PFDN5: variants seen among roughly 807,000 people sequenced by gnomAD.
PFDN5 encodes the protein prefoldin subunit 5, also known as c-myc binding protein.
Under a neutral mutation model 21.5 loss-of-function variants are expected in PFDN5, and 13 were observed. The observed-to-expected ratio is 0.60, with a 90% CI of 0.39 to 0.96. PFDN5 has a LOEUF of 0.96. PFDN5 is among the 40% of genes least tolerant of loss of function. The pLI is 0.00. For synonymous variants in PFDN5, 84 were observed against 68.9 expected (o/e 1.22, Z -1.08); for missense variants, 188 against 186.2 (o/e 1.01, Z -0.06).
At position 53,295,952 on chromosome 12, in the gene PFDN5, G is replaced by A. The variant is rs1344621084; in HGVS notation, c.175+11G>A. ...ACAAGAGCAACGAGGGTATGGGGTA[G>A]GCGGGTGAGGGTAACCTAAAGTGGC... On this transcript the variant is annotated intron_variant, in intron 2 of 5. Coordinates refer to ENST00000334478, the MANE Select transcript of PFDN5 (RefSeq NM_002624.4). 1 of 1,530,366 alleles carries A rather than the reference G, an allele frequency of 6.5e-7. No homozygotes were observed. The highest frequency in any genetic ancestry group is 9.1e-7 in the Non-Finnish European group (1 of 1,104,528). The allele number at this position is 1,530,366 out of a possible 1,614,324, so 94.8% of individuals were successfully genotyped here.
chr12:53,298,095 C>G lies in PFDN5; in HGVS notation c.333C>G (p.Thr111=), dbSNP rs768074545. The G allele has an allele frequency of 6.2e-7, 1 of 1,613,794 alleles. No individual in the cohort carries two copies. Residue 111 remains threonine (T), a synonymous_variant, in exon 5 of 6, where the codon ACC becomes ACG. Coordinates refer to ENST00000334478, the MANE Select transcript of PFDN5 (RefSeq NM_002624.4). ...TCAAGAGGAAGATAGATTTTCTAAC[C>G]AAGCAGATGGAGAAAATCCAACCAG... The part of the protein sequence containing the change: ...DFFKRKIDFL[T]KQMEKIQPAL...
intron 5 of PFDN5, chr12:53,298,650 C>G (rs1944186338): frequency 6.3e-6 from 1 of 159,126 alleles, no homozygotes; most frequent in South Asian, 1.6e-4. Flanking sequence ...CTTTCCCCAT[C>G]ATAGTTTTCT....
intron 5 of PFDN5, 28 bp from the exon 6 acceptor site, chr12:53,299,241 A>C (rs752389222): frequency 6.4e-7 from 1 of 1,552,950 alleles, no homozygotes. Flanking sequence ...TTTTGCTTCT[A>C]ACCTTTGACT....
chr12:53,297,989 G>A (rs1211291807), intron 4 of PFDN5, 56 bp from the exon 5 acceptor site: 29 of 1,559,244 alleles, frequency 1.9e-5, no homozygotes, highest in Non-Finnish European at 2.3e-5. Context: ...GCTCTAGAGC[G>A]CAGCATGGCC....
At chr12:53,296,413 T>C in intron 3 of PFDN5, 138 bp downstream of exon 3, 1 of 755,998 alleles carries the variant, frequency 1.3e-6, no homozygotes, top group Non-Finnish European at 2.3e-6. Context: ...CCTTTTTTTT[T>C]TTCTTTCTTT....
intron 3 of PFDN5, 21 bp downstream of exon 3, chr12:53,296,296 G>A: frequency 6.3e-7 from 1 of 1,591,422 alleles, no homozygotes; most frequent in Non-Finnish European, 8.6e-7. Context: ...CACAGGAACG[G>A]CTACCTGCTG....
intron 5 of PFDN5, 68 bp from the exon 6 acceptor site, chr12:53,299,200 CT>C: frequency 1.9e-6 from 2 of 1,052,948 alleles, no homozygotes; most frequent in East Asian, 4.8e-5. Flanking sequence ...TTAAACTTGC[CT>C]GTCACTTCTC....
chr12:53,295,683 C>T, intron 1 of PFDN5, 44 bp downstream of exon 1: 1 of 1,527,176 alleles, frequency 6.5e-7, no homozygotes, highest in Non-Finnish European at 9.1e-7. Flanking sequence ...CTCTACATCC[C>T]CCTTGCCCAC....
intron 5 of PFDN5, 63 bp from the exon 6 acceptor site, chr12:53,299,206 C>A: frequency 1.8e-6 from 2 of 1,116,352 alleles, no homozygotes; most frequent in Non-Finnish European, 2.7e-6. Flanking sequence ...TTGCCTGTCA[C>A]TTCTCCTTAA....
chr12:53,296,689 A>T (rs1944156044), intron 3 of PFDN5: 1 of 313,588 alleles, frequency 3.2e-6, no homozygotes, highest in African/African-American at 2.3e-5. Context: ...ATTACATTAC[A>T]GGCGTGAGCC....
At position 53,297,847 on chromosome 12, in the gene PFDN5, C is replaced by T. The variant is rs1349640359; in HGVS notation, c.208-3C>T. On this transcript the variant is annotated splice_polypyrimidine_tract_variant and splice_region_variant and intron_variant, in intron 3 of 5. Coordinates refer to ENST00000334478, the MANE Select transcript of PFDN5 (RefSeq NM_002624.4). ...AGTTTTTCCCTTAATTCTTGCTTCT[C>T]AGATGTATGTCCCTGGGAAGCTGCA... 1.9e-6 allele frequency: 3 copies of T among 1,608,784 alleles called. No homozygotes were observed. The highest frequency in any genetic ancestry group is 2.1e-4 in the Middle Eastern group (1 of 4,826).
At chr12:53,296,354 G>A in intron 3 of PFDN5, 79 bp downstream of exon 3, 1 of 1,065,494 alleles carries the variant, frequency 9.4e-7, no homozygotes, top group South Asian at 1.3e-5. Context: ...GAGGGGGATT[G>A]TTTTGATTAC....
In PFDN5 at chr12:53,297,914, A is replaced by G. The variant is rs1307901466; in HGVS notation, c.272A>G (p.Tyr91Cys). 6.2e-7 allele frequency: 1 copy of G among 1,612,522 alleles called. No individual in the cohort carries two copies. Residue 91 changes from tyrosine to cysteine, a missense_variant, in exon 4 of 6, where the codon TAT becomes TGT. Physicochemically the swap from Tyr to Cys is radical, Grantham distance 194 (BLOSUM62 -2). Transcript: ENST00000334478. ...HVLIDVGTGY[Y>C]VEKTAEDAKD... ...CTCATCGATGTGGGAACTGGGTACT[A>G]TGTAGAGAAGGTGAGTGAGAGCATG...
In PFDN5 at chr12:53,296,350, GA is replaced by G. The variant is rs1347759320; in HGVS notation, c.207+76del. On this transcript the variant is annotated intron_variant, in intron 3 of 5. Transcript: ENST00000334478. ...CACTCCCCCAAAAAGCGGGGAGGGG[GA>G]TTGTTTTGATTACTTCAGATTACCC... 2.3e-4 allele frequency: 239 copies of G among 1,038,328 alleles called. 1 individual carries two copies. In the East Asian group the frequency reaches 5.8e-3, roughly 25 times the overall value. 64.3% of individuals were successfully genotyped at this position (1,038,328 alleles called of 1,614,324 possible).
chr12:53,296,333 C>G, intron 3 of PFDN5, 58 bp downstream of exon 3: 2 of 1,351,996 alleles, frequency 1.5e-6, no homozygotes, highest in Non-Finnish European at 2.1e-6. Flanking sequence ...TTCACTCCCC[C>G]AAAAAGCGGG....
rs115713040 is a variant in PFDN5, at chr12:53,296,687, A to G, written c.207+412A>G. On this transcript the variant is annotated intron_variant, in intron 3 of 5. Coordinates refer to ENST00000334478, the MANE Select transcript of PFDN5 (RefSeq NM_002624.4). ...CCTCCCAAAGTGCTAGGATTACATT[A>G]CAGGCGTGAGCCACTGCCCCCGGCC... The G allele has an allele frequency of 2.0e-3, 628 of 322,016 alleles. 8 individuals carry two copies. Among genetic ancestry groups the G allele is most frequent in the African/African-American group, 0.013 (587 of 44,874 alleles). 19.9% of individuals were successfully genotyped at this position (322,016 alleles called of 1,614,324 possible).
In PFDN5 at chr12:53,298,122, T is replaced by A. The variant is rs757946028; in HGVS notation, c.360T>A (p.Ala120=). The A allele has an allele frequency of 3.1e-6, 5 of 1,612,908 alleles. No individual in the cohort carries two copies. The highest frequency in any genetic ancestry group is 1.7e-5 in the Admixed American group (1 of 60,010). The change falls in exon 5 of 6, where the codon GCT becomes GCA. Residue 120 remains alanine, a synonymous_variant. Transcript: ENST00000334478. ...LTKQMEKIQP[A]LQEKHAMKQA... is the part of the protein sequence containing the mutation. ...AGCAGATGGAGAAAATCCAACCAGC[T>A]CTTCAGGAGAAGCACGCCATGAAAC... is the stretch of plus-strand genomic sequence containing the variant.
chr12:53,295,811 A>G (rs777205962), intron 1 of PFDN5, 28 bp from the exon 2 acceptor site: 1 of 1,430,126 alleles, frequency 7.0e-7, no homozygotes, highest in East Asian at 2.3e-5. Flanking sequence ...TAGTCCTCTC[A>G]TTGACCCGCT....
intron 1 of PFDN5, 41 bp from the exon 2 acceptor site, chr12:53,295,798 C>T (rs1287154603): frequency 2.2e-6 from 3 of 1,351,110 alleles, no homozygotes; most frequent in East Asian, 2.3e-5. Flanking sequence ...TCCTTTCTCC[C>T]CTTAGTCCTC....
Sources: allele counts gnomAD v4.1 joint callset, GRCh38; gene constraint gnomAD v4.1.1; transcripts MANE v1.5; gene names NCBI Gene and HGNC (gene_info 2026-07-23, HGNC 2026-07-21).